Variants in APP observed in about 807,000 individuals in gnomAD.
The protein encoded by APP is amyloid-beta precursor protein.
In APP, 31 loss-of-function variants were observed where a neutral mutation model predicts 101.4. The ratio of observed to expected loss-of-function variants is 0.31; its 90% CI spans 0.23 to 0.41. APP has a LOEUF of 0.41. Ranked by LOEUF, APP falls within the 10% of genes least tolerant of loss-of-function variation. APP has a pLI of 1.00. For synonymous variants in APP, 366 were observed against 364.4 expected (o/e 1.00, Z -0.05); for missense variants, 839 against 1,003.7 (o/e 0.84, Z 2.22).
chr21:25,975,535 TA>T (rs59656239), intron 10 of APP, among the ~76,000 whole-genome samples: 5 of 151,402 alleles, frequency 3.3e-5, no homozygotes, highest in Middle Eastern at 3.4e-3. Flanking sequence ...TATTACATAT[TA>T]AAAAAAAATC....
At chr21:25,903,946 G>A (rs1357995207) in intron 15 of APP, among the ~76,000 whole-genome samples, 1 of 151,838 alleles carries the variant, frequency 6.6e-6, no homozygotes, top group Non-Finnish European at 1.5e-5. Context: ...GTGCTTGGAG[G>A]CAGTCATGGC....
chr21:25,946,694 A>C (rs2040837702), intron 13 of APP, among the ~76,000 whole-genome samples: 1 of 152,054 alleles, frequency 6.6e-6, no homozygotes, highest in African/African-American at 2.4e-5. Context: ...TAAAAATAAA[A>C]ATAAAATTAA....
At chr21:25,979,783 G>GA (rs1006467711) in intron 9 of APP, among the ~76,000 whole-genome samples, 36 of 49,234 alleles carry the variant, frequency 7.3e-4, no homozygotes, top group African/African-American at 2.7e-3. Flanking sequence ...TATACTAGGA[G>GA]AAAAAATCCA....
chr21:26,035,995 G>A (rs2045091986), intron 5 of APP, among the ~76,000 whole-genome samples: 1 of 151,972 alleles, frequency 6.6e-6, no homozygotes, highest in African/African-American at 2.4e-5. Context: ...GGGTAGCAGG[G>A]GAATTAAGAA....
At chr21:26,122,083 A>G (rs965327700) in intron 1 of APP, among the ~76,000 whole-genome samples, 1 of 152,240 alleles carries the variant, frequency 6.6e-6, no homozygotes, top group Non-Finnish European at 1.5e-5. Context: ...ACAAGGGGAA[A>G]AAGAAGCATA....
At chr21:26,101,574 G>A (rs781595720) in intron 2 of APP, among the ~76,000 whole-genome samples, 2 of 152,098 alleles carry the variant, frequency 1.3e-5, no homozygotes, top group Admixed American at 1.3e-4. Flanking sequence ...TGGACTGCTC[G>A]GGTGACAAAG....
chr21:25,942,562 C>T (rs527748113), intron 13 of APP: 5 of 152,172 alleles, frequency 3.3e-5, no homozygotes, highest in Non-Finnish European at 7.3e-5. Context: ...TATCCAAAGT[C>T]TCCCCAAGCA....
At chr21:26,132,980 G>A (rs1156880509) in intron 1 of APP, among the ~76,000 whole-genome samples, 1 of 152,172 alleles carries the variant, frequency 6.6e-6, no homozygotes, top group Non-Finnish European at 1.5e-5. Flanking sequence ...GCTCATGCCT[G>A]TAATCACAGC....
At chr21:26,082,746 C>T (rs1568951374) in intron 3 of APP, among the ~76,000 whole-genome samples, 1 of 152,160 alleles carries the variant, frequency 6.6e-6, no homozygotes, top group Admixed American at 6.5e-5. Context: ...GAGCTGAAAT[C>T]CCATCCCCTT....
At chr21:26,143,457 T>C (rs1256975736) in intron 1 of APP, among the ~76,000 whole-genome samples, 1 of 152,246 alleles carries the variant, frequency 6.6e-6, no homozygotes, top group African/African-American at 2.4e-5. Flanking sequence ...ATTATGTATA[T>C]TCAATGTATA....
intron 2 of APP, among the ~76,000 whole-genome samples, chr21:26,101,222 C>T (rs2062050874): frequency 6.6e-6 from 1 of 151,628 alleles, no homozygotes; most frequent in Admixed American, 6.6e-5. Flanking sequence ...CCTCAGTCTC[C>T]CGAGTAGCTG....
intron 1 of APP, among the ~76,000 whole-genome samples, chr21:26,136,575 A>C (rs1354635637): frequency 2.0e-5 from 3 of 152,178 alleles, no homozygotes; most frequent in Non-Finnish European, 2.9e-5. Context: ...TTTATAAATA[A>C]TCTAAAAATA....
At chr21:26,098,081 GAAAAAAAAAAAAA>G (rs757879199) in intron 2 of APP, among the ~76,000 whole-genome samples, 1 of 54,382 alleles carries the variant, frequency 1.8e-5, no homozygotes, top group African/African-American at 6.3e-5. Context: ...CTCTGTCTCA[GAAAAAAAAAAAAA>G]AAAAAAAAAA....
intron 1 of APP, among the ~76,000 whole-genome samples, chr21:26,161,051 A>C (rs1454625635): frequency 2.0e-5 from 3 of 152,198 alleles, no homozygotes; most frequent in Non-Finnish European, 2.9e-5. Flanking sequence ...AGCTGTTCGA[A>C]TCTTCAATCT....
intron 6 of APP, among the ~76,000 whole-genome samples, chr21:26,004,275 C>CTTTTTTTTTTTTTTTTT (rs71183538): frequency 1.4e-5 from 1 of 72,794 alleles, no homozygotes; most frequent in African/African-American, 5.3e-5. Context: ...TGTATTAATT[C>CTTTTTTTTTTTTTTTTT]TTTTTTTTTT....
intron 3 of APP, among the ~76,000 whole-genome samples, chr21:26,072,544 T>C (rs2061426951): frequency 6.6e-6 from 1 of 152,234 alleles, no homozygotes; most frequent in Non-Finnish European, 1.5e-5. Context: ...TATCTTCACA[T>C]CTTTAAATTG....
chr21:25,966,434 A>G (rs190345846), intron 11 of APP, among the ~76,000 whole-genome samples: 11 of 152,346 alleles, frequency 7.2e-5, no homozygotes, highest in African/African-American at 2.6e-4. Context: ...GCAATTATTT[A>G]CTTTTCTGAA....
chr21:26,109,659 C>T (rs2062266919), intron 2 of APP, among the ~76,000 whole-genome samples: 2 of 152,172 alleles, frequency 1.3e-5, no homozygotes, highest in African/African-American at 4.8e-5. Context: ...TAAAGCTACC[C>T]AGGCATTAGT....
chr21:25,945,639 T>C, intron 13 of APP: 1 of 277,138 alleles, frequency 3.6e-6, no homozygotes, highest in South Asian at 3.1e-5. Flanking sequence ...ACCCATATTA[T>C]CTATGGACAA....
Sources: gnomAD v4.1 joint callset for allele counts (sites outside exome capture counted in the v4.1 genomes callset) on GRCh38, gnomAD v4.1.1 for gene constraint, MANE v1.5 for transcripts, NCBI Gene and HGNC (gene_info 2026-07-23, HGNC 2026-07-21) for gene names.